TLL1: variants seen among roughly 807,000 people sequenced by gnomAD.
TLL1 encodes the protein tolloid like 1.
In TLL1, 49 loss-of-function variants were observed where a neutral mutation model predicts 128.2. The observed-to-expected ratio is 0.38, with a 90% CI of 0.30 to 0.48. The LOEUF is 0.48. TLL1 is among the 20% of genes least tolerant of loss of function. The probability of loss-of-function intolerance (pLI) is 0.96; values close to 1 mark genes in which losing one functional copy is unlikely to be tolerated. For synonymous variants in TLL1, 454 were observed against 418.8 expected, an observed-to-expected ratio of 1.08 and a Z score of -1.03; for missense variants, 1,123 against 1,242.0, an observed-to-expected ratio of 0.90 and a Z score of 1.44.
At chr4:165,979,610 T>C (rs989251521) in intron 1 of TLL1, among the ~76,000 whole-genome samples, 5 of 152,058 alleles carry the variant, frequency 3.3e-5, no homozygotes, top group Admixed American at 3.3e-4. Flanking sequence ...GTAAGAACTA[T>C]TCTAATAATA....
chr4:165,896,669 G>A (rs1231314127), intron 1 of TLL1, among the ~76,000 whole-genome samples: 1 of 151,846 alleles, frequency 6.6e-6, no homozygotes, highest in East Asian at 1.9e-4. Flanking sequence ...ATTTTTAGTA[G>A]AGACAGGGTT....
At chr4:165,901,387 C>A (rs911624175) in intron 1 of TLL1, among the ~76,000 whole-genome samples, 4 of 152,108 alleles carry the variant, frequency 2.6e-5, no homozygotes, top group Non-Finnish European at 5.9e-5. Context: ...ATTTATCTAC[C>A]TTTGGTCTTT....
At chr4:166,008,156 C>A (rs1466564710) in intron 7 of TLL1, 108 bp downstream of exon 7, 6 of 757,534 alleles carry the variant, frequency 7.9e-6, no homozygotes, top group Non-Finnish European at 1.1e-5. Context: ...AATATTGCTA[C>A]CTCACTGCAG....
chr4:166,071,037 C>T (rs764918005), intron 16 of TLL1, among the ~76,000 whole-genome samples: 3 of 151,770 alleles, frequency 2.0e-5, no homozygotes, highest in African/African-American at 7.2e-5. Flanking sequence ...TTTTTGTAGG[C>T]GATTATTTAC....
intron 9 of TLL1, among the ~76,000 whole-genome samples, chr4:166,035,534 T>C (rs1292364254): frequency 1.3e-5 from 2 of 152,174 alleles, no homozygotes; most frequent in Non-Finnish European, 2.9e-5. Flanking sequence ...AACCTCAGAA[T>C]GTTTAAGTAA....
chr4:166,004,578 T>C (rs1232006252), intron 6 of TLL1, among the ~76,000 whole-genome samples: 1 of 152,082 alleles, frequency 6.6e-6, no homozygotes, highest in Non-Finnish European at 1.5e-5. Context: ...TGACGAAAAG[T>C]CCCTTAGTGA....
intron 1 of TLL1, among the ~76,000 whole-genome samples, chr4:165,880,261 A>G (rs989352158): frequency 1.3e-5 from 2 of 152,180 alleles, no homozygotes; most frequent in Non-Finnish European, 2.9e-5. Flanking sequence ...TCAGCTCCTT[A>G]TAGAATGTGT....
intron 8 of TLL1, among the ~76,000 whole-genome samples, chr4:166,019,222 A>G (rs1260245165): frequency 6.6e-6 from 1 of 152,222 alleles, no homozygotes; most frequent in African/African-American, 2.4e-5. Context: ...CAAATACTGC[A>G]TGTTCTCACT....
intron 12 of TLL1, among the ~76,000 whole-genome samples, chr4:166,048,144 G>A (rs532046625): frequency 1.1e-4 from 16 of 151,592 alleles, no homozygotes; most frequent in African/African-American, 3.6e-4. Flanking sequence ...GCTGAGGCAG[G>A]AGAATCGCTT....
chr4:165,911,229 A>G (rs1732513138), intron 1 of TLL1, among the ~76,000 whole-genome samples: 1 of 151,788 alleles, frequency 6.6e-6, no homozygotes, highest in Non-Finnish European at 1.5e-5. Flanking sequence ...TTATTATTCT[A>G]CTCTCTACCT....
rs1742372724 is a variant in TLL1, at chr4:166,103,335, A to G, written c.*2459A>G. On this transcript the variant is annotated 3_prime_UTR_variant, in exon 21 of 21. Transcript: ENST00000061240. ...GCATGAAATTTAGAATACCAATGAT[A>G]GCTATCTTTAAGAATCAGAATTAGT... is the stretch of plus-strand genomic sequence containing the variant. 3 of 151,888 alleles carry G rather than the reference A, an allele frequency of 2.0e-5. No individual in the cohort carries two copies. The highest frequency in any genetic ancestry group is 1.3e-4 in the Admixed American group (2 of 15,180). 9.4% of individuals were successfully genotyped at this position (151,888 alleles called of 1,614,324 possible). A position where few individuals can be genotyped will look rare whatever the true frequency, so the allele number is the denominator to read the frequency against.
chr4:165,902,816 T>C (rs112575640), intron 1 of TLL1, among the ~76,000 whole-genome samples: 143 of 152,324 alleles, frequency 9.4e-4, no homozygotes, highest in African/African-American at 3.4e-3. Flanking sequence ...TGTTGATACA[T>C]ATACAGCACC....
rs956753973 is a variant in TLL1, at chr4:165,997,403, G to A, written c.632+2225G>A. ...GTAATTGTTCATTGAGAACCTGCAAGGTAGTGTCATTGATATTGATGGAAC... is the reference window on the plus strand; with the variant it reads ...GTAATTGTTCATTGAGAACCTGCAAAGTAGTGTCATTGATATTGATGGAAC... On this transcript the variant is annotated intron_variant, in intron 5 of 20. Transcript: ENST00000061240. Among the ~76,000 whole-genome samples the A allele has an allele frequency of 2.6e-5, 4 of 152,056 alleles. 1 individual carries two copies. The South Asian group carries it at 8.3e-4, about 31-fold the overall frequency.
chr4:165,971,117 G>T (rs1459968014), intron 1 of TLL1, among the ~76,000 whole-genome samples: 2 of 152,162 alleles, frequency 1.3e-5, no homozygotes. Context: ...TTATTTAAGT[G>T]ATTATAATTA....
chr4:165,954,408 TGAC>T (rs1734678535), intron 1 of TLL1, among the ~76,000 whole-genome samples: 2 of 152,106 alleles, frequency 1.3e-5, no homozygotes, highest in Non-Finnish European at 1.5e-5. Flanking sequence ...GAAAAAATTA[TGAC>T]CACAAACTTA....
intron 15 of TLL1, among the ~76,000 whole-genome samples, chr4:166,062,116 T>C (rs1021187866): frequency 6.6e-6 from 1 of 152,206 alleles, no homozygotes; most frequent in Non-Finnish European, 1.5e-5. Flanking sequence ...TTTTAGTTAC[T>C]GTAGCCTTGT....
At chr4:166,045,926 C>T (rs142605420) in intron 12 of TLL1, among the ~76,000 whole-genome samples, 2,289 of 152,282 alleles carry the variant, frequency 0.015, 58 homozygotes, top group African/African-American at 0.05. Flanking sequence ...CCTACAATTA[C>T]CTCTAAATCA....
chr4:165,957,148 GAGA>G (rs1301004630), intron 1 of TLL1, among the ~76,000 whole-genome samples: 1 of 152,102 alleles, frequency 6.6e-6, no homozygotes, highest in Non-Finnish European at 1.5e-5. Flanking sequence ...TCAAAGTAAA[GAGA>G]AGGAGAAAGA....
intron 18 of TLL1, among the ~76,000 whole-genome samples, chr4:166,082,155 A>G (rs778209548): frequency 1.2e-4 from 18 of 152,098 alleles, no homozygotes; most frequent in Admixed American, 3.9e-4. Context: ...GGTTTTTTCA[A>G]ATGCTAGCAT....
Sources: allele counts gnomAD v4.1 joint callset (sites outside exome capture counted in the v4.1 genomes callset), GRCh38; gene constraint gnomAD v4.1.1; transcripts MANE v1.5; gene names NCBI Gene and HGNC (gene_info 2026-07-23, HGNC 2026-07-21).